Variants in FGF7 observed in about 807,000 individuals in gnomAD.
The protein encoded by FGF7 is fibroblast growth factor 7.
A neutral mutation model predicts 20.5 loss-of-function variants in FGF7; 6 were observed. That is an observed-to-expected ratio of 0.29 (90% CI 0.16 to 0.58). The LOEUF is 0.58. FGF7 is among the 20% of genes least tolerant of loss of function. The pLI, the probability that FGF7 is intolerant of heterozygous loss-of-function variation, is 0.90. For missense variants in FGF7, 144 were observed against 228.8 expected, an observed-to-expected ratio of 0.63 and a Z score of 2.39; for synonymous variants, 64 against 74.7, an observed-to-expected ratio of 0.86 and a Z score of 0.74.
At position 49,476,212 on chromosome 15, in the gene FGF7, G is replaced by GTTT. The variant is rs1567351529; in HGVS notation, c.287-6937_287-6935dup. Among the ~76,000 whole-genome samples the GTTT allele has an allele frequency of 4.9e-5, 4 of 81,256 alleles. 1 individual carries two copies. The highest frequency in any genetic ancestry group is 3.8e-4 in the Admixed American group (3 of 7,834). The allele number at this position is 81,256 out of a possible 152,430, so 53.3% of individuals were successfully genotyped here. A position where few individuals can be genotyped will look rare whatever the true frequency, so the allele number is the denominator to read the frequency against. On this transcript the variant is annotated intron_variant, in intron 2 of 3. Coordinates refer to ENST00000267843, the MANE Select transcript of FGF7 (RefSeq NM_002009.4). ...CTTCTGAATTCCTATTTATTTTGCTGTTTTGTTTTTTTGTTTTTGGTTTTT... is the reference window on the plus strand; with the variant it reads ...CTTCTGAATTCCTATTTATTTTGCTGTTTTTTTGTTTTTTTGTTTTTGGTTTTT...
At chr15:49,455,886 C>T (rs990059869) in intron 2 of FGF7, among the ~76,000 whole-genome samples, 14 of 151,654 alleles carry the variant, frequency 9.2e-5, no homozygotes, top group South Asian at 4.2e-4. Flanking sequence ...GAAATATGCT[C>T]CTCTTAATTT....
intron 2 of FGF7, among the ~76,000 whole-genome samples, chr15:49,463,849 G>A (rs1311909442): frequency 1.3e-5 from 2 of 152,172 alleles, no homozygotes; most frequent in Non-Finnish European, 1.5e-5. Flanking sequence ...ATTTGCTAAC[G>A]CTCTTATAAG....
chr15:49,479,816 AT>A (rs2055757005), intron 2 of FGF7, among the ~76,000 whole-genome samples: 1 of 151,602 alleles, frequency 6.6e-6, no homozygotes, highest in Admixed American at 6.6e-5. Context: ...GTTTCACCAT[AT>A]TTGCCAGGCT....
chr15:49,464,582 TA>T (rs1375578691), intron 2 of FGF7, among the ~76,000 whole-genome samples: 1 of 152,194 alleles, frequency 6.6e-6, no homozygotes, highest in East Asian at 1.9e-4. Flanking sequence ...TTGAATTTTG[TA>T]ATAAAATTTA....
At chr15:49,454,511 A>G (rs2053082799) in intron 2 of FGF7, among the ~76,000 whole-genome samples, 1 of 152,216 alleles carries the variant, frequency 6.6e-6, no homozygotes, top group African/African-American at 2.4e-5. Flanking sequence ...CCTACTAATG[A>G]GAAAACATTG....
At chr15:49,450,629 A>G (rs1391985259) in intron 2 of FGF7, among the ~76,000 whole-genome samples, 1 of 152,184 alleles carries the variant, frequency 6.6e-6, no homozygotes, top group Non-Finnish European at 1.5e-5. Flanking sequence ...GGCTGCAGCC[A>G]GCAAGAGTCT....
At chr15:49,477,872 T>C (rs2055499181) in intron 2 of FGF7, among the ~76,000 whole-genome samples, 1 of 152,224 alleles carries the variant, frequency 6.6e-6, no homozygotes, top group Non-Finnish European at 1.5e-5. Context: ...GTCACGCTAA[T>C]AGTTGTACAG....
rs544778626 is a variant in FGF7 at position 49,485,551 on chromosome 15, C to T, written c.*1047C>T. ...GGAATAACAAAACTGTCTGGCTCAA[C>T]GGCAAGTTTCCCTCCCTTTTCTGAC... On this transcript the variant is annotated 3_prime_UTR_variant, in exon 4 of 4. Coordinates refer to ENST00000267843, the MANE Select transcript of FGF7 (RefSeq NM_002009.4). The T allele has an allele frequency of 1.4e-4, 22 of 152,484 alleles. No homozygotes were observed. The highest frequency in any genetic ancestry group is 5.8e-4 in the East Asian group (3 of 5,188). The allele number at this position is 152,484 out of a possible 1,614,324, so 9.4% of individuals were successfully genotyped here. A position where few individuals can be genotyped will look rare whatever the true frequency, so the allele number is the denominator to read the frequency against.
At chr15:49,456,586 T>G (rs1034795195) in intron 2 of FGF7, among the ~76,000 whole-genome samples, 1 of 152,118 alleles carries the variant, frequency 6.6e-6, no homozygotes, top group Non-Finnish European at 1.5e-5. Context: ...TCCTTTGCCT[T>G]TCTCTTCTCA....
chr15:49,478,090 C>A (rs2055529590), intron 2 of FGF7, among the ~76,000 whole-genome samples: 1 of 152,114 alleles, frequency 6.6e-6, no homozygotes, highest in African/African-American at 2.4e-5. Context: ...CGCCAGTAGT[C>A]CCCAGTGTCA....
intron 2 of FGF7, among the ~76,000 whole-genome samples, chr15:49,471,109 G>T (rs2054700480): frequency 6.6e-6 from 1 of 152,116 alleles, no homozygotes; most frequent in Admixed American, 6.5e-5. Context: ...TACTTTTAAA[G>T]GGAGTAGAAA....
intron 2 of FGF7, among the ~76,000 whole-genome samples, chr15:49,467,145 T>C (rs2054334830): frequency 6.6e-6 from 1 of 152,142 alleles, no homozygotes; most frequent in South Asian, 2.1e-4. Flanking sequence ...ATATTAGTAT[T>C]TAAAATAAAG....
In FGF7 at chr15:49,486,980, G is replaced by C. The variant is rs139688996; in HGVS notation, c.*2476G>C. 16 of 151,984 alleles carry C rather than the reference G, an allele frequency of 1.1e-4. No homozygotes were observed. Among genetic ancestry groups the C allele is most frequent in the African/African-American group, 3.9e-4 (16 of 41,492 alleles). 9.4% of individuals were successfully genotyped at this position (151,984 alleles called of 1,614,324 possible). On this transcript the variant is annotated 3_prime_UTR_variant, in exon 4 of 4. Transcript: ENST00000267843. ...CTGGGTAGATATACAGCTGTCACAAGAGTCTAGATCAGTTAGCACATGCTT... is the reference window on the plus strand; with the variant it reads ...CTGGGTAGATATACAGCTGTCACAACAGTCTAGATCAGTTAGCACATGCTT...
rs745520773 is a variant in FGF7, at chr15:49,477,060, GA to G, written c.287-6076del. ...GGGCGACAAAGCGAGACTCTGTCTC[GA>G]AAAAAAAAAAAAAATTGAGCAGATA... On this transcript the variant is annotated intron_variant, in intron 2 of 3. Coordinates refer to ENST00000267843, the MANE Select transcript of FGF7 (RefSeq NM_002009.4). Among the ~76,000 whole-genome samples the G allele has an allele frequency of 9.4e-4, 123 of 130,516 alleles. 1 individual carries two copies. Among genetic ancestry groups the G allele is most frequent in the Middle Eastern group, 4.0e-3 (1 of 248 alleles). 85.6% of individuals were successfully genotyped at this position (130,516 alleles called of 152,430 possible). A position where few individuals can be genotyped will look rare whatever the true frequency, so the allele number is the denominator to read the frequency against.
chr15:49,446,319 A>G (rs2052206812), intron 2 of FGF7, among the ~76,000 whole-genome samples: 1 of 151,632 alleles, frequency 6.6e-6, no homozygotes, highest in South Asian at 2.1e-4. Flanking sequence ...TTCAGTACTC[A>G]TAGAGCACCT....
Position 49,476,776 on chromosome 15 carries a change from T to C in FGF7, c.287-6375T>C, listed in dbSNP as rs565530790. 2.4e-3 allele frequency among the ~76,000 whole-genome samples: 366 copies of C among 152,228 alleles called. 1 individual carries two copies. The highest frequency in any genetic ancestry group is 8.5e-3 in the African/African-American group (354 of 41,546). On this transcript the variant is annotated intron_variant, in intron 2 of 3. Transcript: ENST00000267843. ...AGATTTACAAAAAAAATTGAGCAGATAGGCCAGGCGTGGTGGCTCACGCCT... is the reference window on the plus strand; with the variant it reads ...AGATTTACAAAAAAAATTGAGCAGACAGGCCAGGCGTGGTGGCTCACGCCT...
At position 49,487,060 on chromosome 15, in the gene FGF7, T is replaced by A. The variant is rs1230940326; in HGVS notation, c.*2556T>A. 6.6e-6 allele frequency: 1 copy of A among 151,938 alleles called. No homozygotes were observed. The highest frequency in any genetic ancestry group is 1.5e-5 in the Non-Finnish European group (1 of 67,902). The allele number at this position is 151,938 out of a possible 1,614,324, so 9.4% of individuals were successfully genotyped here. On this transcript the variant is annotated 3_prime_UTR_variant, in exon 4 of 4. Coordinates refer to ENST00000267843, the MANE Select transcript of FGF7 (RefSeq NM_002009.4). ...TAATGGTCTTTGGCATGTTTTTGTT[T>A]TTTATTTCTGTTGAGATATAGCCTT...
chr15:49,424,130 T>C lies in FGF7; in HGVS notation c.-168T>C, dbSNP rs2049921489. 3.6e-6 allele frequency: 2 copies of C among 558,228 alleles called. No homozygotes were observed. The highest frequency in any genetic ancestry group is 6.3e-6 in the Non-Finnish European group (2 of 317,960). The allele number at this position is 558,228 out of a possible 1,614,324, so 34.6% of individuals were successfully genotyped here. A position where few individuals can be genotyped will look rare whatever the true frequency, so the allele number is the denominator to read the frequency against. On this transcript the variant is annotated 5_prime_UTR_variant, in exon 2 of 4. Transcript: ENST00000267843. ...TTATTTAAGGAGGAATCCTGTGTTG[T>C]TATCAGGAACTAAAAGGATAAGGCT...
chr15:49,424,277 C>T lies in FGF7; in HGVS notation c.-21C>T. On this transcript the variant is annotated 5_prime_UTR_variant, in exon 2 of 4. Transcript: ENST00000267843. ...TCATTTTCATTATGTTATTCATGAA[C>T]ACCCGGAGCACTACACTATAATGCA... 6.3e-7 allele frequency: 1 copy of T among 1,594,016 alleles called. No individual in the cohort carries two copies. The highest frequency in any genetic ancestry group is 8.6e-7 in the Non-Finnish European group (1 of 1,165,952).
Sources: allele counts gnomAD v4.1 joint callset (sites outside exome capture counted in the v4.1 genomes callset), GRCh38; gene constraint gnomAD v4.1.1; transcripts MANE v1.5; gene names NCBI Gene and HGNC (gene_info 2026-07-23, HGNC 2026-07-21).